Variants in SLC25A26 observed in about 807,000 individuals in gnomAD.
SLC25A26 encodes solute carrier family 25 member 26, also known as mitochondrial S-adenosylmethionine carrier protein.
In SLC25A26, 36 loss-of-function variants were observed where a neutral mutation model predicts 37.8. That is an observed-to-expected ratio of 0.95 (90% CI 0.73 to 1.26). The LOEUF is 1.26. Ranked by LOEUF, SLC25A26 falls within the 50% of genes most tolerant of loss-of-function variation. The pLI is 0.00. For missense variants in SLC25A26, 390 were observed against 331.1 expected (o/e 1.18, Z -1.38); for synonymous variants, 129 against 122.5 (o/e 1.05, Z -0.35).
At chr3:66,352,369 G>A (rs188030559) in intron 6 of SLC25A26, among the ~76,000 whole-genome samples, 41 of 151,672 alleles carry the variant, frequency 2.7e-4, no homozygotes, top group Admixed American at 8.5e-4. Context: ...CCACTCACCC[G>A]CTGTGCCCGG....
intron 3 of SLC25A26, 46 bp from the exon 4 acceptor site, chr3:66,262,005 A>T: frequency 1.7e-6 from 2 of 1,181,748 alleles, no homozygotes; most frequent in Non-Finnish European, 2.4e-6. Context: ...TTCAATTTTT[A>T]TAGCAGTTAT....
intron 1 of SLC25A26, among the ~76,000 whole-genome samples, chr3:66,157,802 T>C (rs2070305078): frequency 6.6e-6 from 1 of 152,206 alleles, no homozygotes; most frequent in Non-Finnish European, 1.5e-5. Flanking sequence ...TAAAAAAATT[T>C]TTTTGAGACA....
At chr3:66,291,787 G>A (rs894884613) in intron 5 of SLC25A26, among the ~76,000 whole-genome samples, 1 of 152,182 alleles carries the variant, frequency 6.6e-6, no homozygotes, top group Admixed American at 6.5e-5. Context: ...TTGATTTGGG[G>A]TGGAGAGTTC....
At chr3:66,267,939 T>C (rs2073819481) in intron 5 of SLC25A26, among the ~76,000 whole-genome samples, 1 of 152,096 alleles carries the variant, frequency 6.6e-6, no homozygotes, top group Non-Finnish European at 1.5e-5. Flanking sequence ...CCCTCCAAAG[T>C]CTCCTTCCCA....
chr3:66,271,101 T>C (rs2073941346), intron 5 of SLC25A26, among the ~76,000 whole-genome samples: 1 of 152,218 alleles, frequency 6.6e-6, no homozygotes, highest in South Asian at 2.1e-4. Context: ...CTGTTAATTC[T>C]TTATTTAAAC....
chr3:66,161,711 C>A (rs899231050), intron 1 of SLC25A26, among the ~76,000 whole-genome samples: 1 of 152,144 alleles, frequency 6.6e-6, no homozygotes, highest in African/African-American at 2.4e-5. Flanking sequence ...CATATCTATG[C>A]ATTCATCTAT....
chr3:66,314,329 A>T (rs771533705), intron 5 of SLC25A26, among the ~76,000 whole-genome samples: 1 of 152,048 alleles, frequency 6.6e-6, no homozygotes, highest in Non-Finnish European at 1.5e-5. Flanking sequence ...ACATGAAAGG[A>T]TGTTGAGTTT....
At chr3:66,171,240 A>C (rs567208331) in intron 1 of SLC25A26, among the ~76,000 whole-genome samples, 5 of 152,158 alleles carry the variant, frequency 3.3e-5, no homozygotes, top group African/African-American at 1.2e-4. Context: ...GTAAACTGAG[A>C]TTGGAATGCA....
chr3:66,249,798 A>T (rs2073007982), intron 3 of SLC25A26, among the ~76,000 whole-genome samples: 1 of 152,196 alleles, frequency 6.6e-6, no homozygotes, highest in Non-Finnish European at 1.5e-5. Flanking sequence ...AATGTAGCTG[A>T]TGATGGCAAT....
intron 1 of SLC25A26, among the ~76,000 whole-genome samples, chr3:66,233,897 T>C (rs1384688824): frequency 2.0e-5 from 3 of 152,110 alleles, no homozygotes; most frequent in Non-Finnish European, 4.4e-5. Context: ...CCAACTAGAT[T>C]GAAAGAGTAA....
At chr3:66,151,662 C>T (rs2106693010) in intron 1 of SLC25A26, among the ~76,000 whole-genome samples, 1 of 152,284 alleles carries the variant, frequency 6.6e-6, no homozygotes, top group East Asian at 1.9e-4. Flanking sequence ...ACATCATCCT[C>T]TCCTTCTGAC....
intron 3 of SLC25A26, among the ~76,000 whole-genome samples, chr3:66,253,896 C>T (rs2073194185): frequency 6.6e-6 from 1 of 152,052 alleles, no homozygotes; most frequent in South Asian, 2.1e-4. Context: ...AGCAAAAAAG[C>T]CATTTGAGGC....
intron 7 of SLC25A26, among the ~76,000 whole-genome samples, chr3:66,369,043 AC>A (rs10539962): frequency 0.18 from 14,487 of 80,578 alleles, 2,441 homozygotes; most frequent in African/African-American, 0.37. Context: ...AAAAAAAAAA[AC>A]AAAAACAAAA....
rs1019675978 is a variant in SLC25A26, at chr3:66,366,578, A to T, written c.569-2900A>T. Among the ~76,000 whole-genome samples the T allele has an allele frequency of 1.1e-4, 17 of 152,288 alleles. No individual in the cohort carries two copies. In the East Asian group the frequency reaches 2.9e-3, roughly 26 times the overall value. On this transcript the variant is annotated intron_variant, in intron 7 of 9. Coordinates refer to ENST00000354883, the MANE Select transcript of SLC25A26 (RefSeq NM_001379210.1). Reference sequence around the variant, plus strand: ...CTTCATATTACTTTCATGAAACCTAAATCTCCAAGAGAATATTGGTAGGCA... The same window carrying T: ...CTTCATATTACTTTCATGAAACCTATATCTCCAAGAGAATATTGGTAGGCA...
intron 7 of SLC25A26, 98 bp downstream of exon 7, chr3:66,363,027 GT>G: frequency 1.6e-6 from 1 of 635,836 alleles, no homozygotes; most frequent in Non-Finnish European, 2.4e-6. Flanking sequence ...ATTCCAGGTT[GT>G]TTAGATGAAG....
chr3:66,232,239 T>C (rs1379527416), intron 1 of SLC25A26, among the ~76,000 whole-genome samples: 1 of 152,224 alleles, frequency 6.6e-6, no homozygotes, highest in African/African-American at 2.4e-5. Context: ...TTTTTTCTAA[T>C]TGGGAAAACA....
At chr3:66,203,951 G>C (rs903418536) in intron 1 of SLC25A26, among the ~76,000 whole-genome samples, 1 of 152,064 alleles carries the variant, frequency 6.6e-6, no homozygotes, top group African/African-American at 2.4e-5. Context: ...ATTTAGCCCC[G>C]ATACACAGTA....
At chr3:66,246,579 G>C (rs1392583432) in intron 3 of SLC25A26, among the ~76,000 whole-genome samples, 4 of 152,186 alleles carry the variant, frequency 2.6e-5, no homozygotes, top group African/African-American at 7.2e-5. Flanking sequence ...TATGTGGACT[G>C]TTAGGCATGG....
In SLC25A26 at chr3:66,352,421, G is replaced by GTTTTT. The variant is rs1379958045; in HGVS notation, c.498+6015_498+6019dup. Among the ~76,000 whole-genome samples, 121 of 126,518 alleles carry GTTTTT rather than the reference G, an allele frequency of 9.6e-4. 6 individuals carry two copies. Among genetic ancestry groups the GTTTTT allele is most frequent in the African/African-American group, 4.0e-3 (109 of 26,926 alleles). 83.0% of individuals were successfully genotyped at this position (126,518 alleles called of 152,430 possible). A position where few individuals can be genotyped will look rare whatever the true frequency, so the allele number is the denominator to read the frequency against. On this transcript the variant is annotated intron_variant, in intron 6 of 9. Coordinates refer to ENST00000354883, the MANE Select transcript of SLC25A26 (RefSeq NM_001379210.1). ...GTGCTGCTGCCTAGCGCCTCCCCTC[G>GTTTTT]TTTTTTGTTTTTTGTTTTTTGTTTT...
Sources: gnomAD v4.1 joint callset for allele counts (sites outside exome capture counted in the v4.1 genomes callset) on GRCh38, gnomAD v4.1.1 for gene constraint, MANE v1.5 for transcripts, NCBI Gene and HGNC (gene_info 2026-07-23, HGNC 2026-07-21) for gene names.